CUX2: variants seen among roughly 807,000 people sequenced by gnomAD.
The protein encoded by CUX2 is homeobox protein cut-like 2.
A neutral mutation model predicts 144.8 loss-of-function variants in CUX2; 40 were observed. The observed-to-expected ratio is 0.28, with a 90% CI of 0.21 to 0.36. The LOEUF (loss-of-function observed/expected upper bound fraction) is 0.36. Ranked by LOEUF, CUX2 falls within the 10% of genes least tolerant of loss-of-function variation. The pLI is 1.00. For synonymous variants in CUX2, 827 were observed against 875.6 expected (o/e 0.94, Z 0.98); for missense variants, 1,615 against 1,994.0 (o/e 0.81, Z 3.62).
chr12:111,121,230 C>T (rs1874644682), intron 1 of CUX2, among the ~76,000 whole-genome samples: 2 of 151,870 alleles, frequency 1.3e-5, no homozygotes, highest in African/African-American at 2.4e-5. Context: ...CTTTCTATGT[C>T]ACCCAGTTGC....
rs1886466665 is a variant in CUX2 at position 111,304,318 on chromosome 12, A to C, written c.858+4A>C. The C allele has an allele frequency of 3.1e-6, 5 of 1,611,938 alleles. No individual in the cohort carries two copies. Among genetic ancestry groups the C allele is most frequent in the Non-Finnish European group, 3.4e-6 (4 of 1,178,614 alleles). ...CTCTCCCCAGGGGCCCAGTGGGGTAAGGATGGGGTTGGGGAAGTGAGCAGG... is the reference window on the plus strand; with the variant it reads ...CTCTCCCCAGGGGCCCAGTGGGGTACGGATGGGGTTGGGGAAGTGAGCAGG... On this transcript the variant is annotated splice_donor_region_variant and intron_variant, in intron 10 of 21. Transcript: ENST00000261726. The surrounding 1 kb of genome is among the most constrained non-coding windows in gnomAD (Gnocchi z 4.7).
chr12:111,281,450 A>G (rs1035985789), intron 4 of CUX2, among the ~76,000 whole-genome samples: 1 of 152,134 alleles, frequency 6.6e-6, no homozygotes, highest in African/African-American at 2.4e-5. Context: ...GTCGGTGTTG[A>G]TGGAAACATT....
chr12:111,073,956 A>G lies in CUX2; in HGVS notation c.63+39716A>G, dbSNP rs76685459. 3.2e-3 allele frequency among the ~76,000 whole-genome samples: 488 copies of G among 152,096 alleles called. 12 individuals carry two copies. The highest frequency in any genetic ancestry group is 0.011 in the African/African-American group (468 of 41,366). On this transcript the variant is annotated intron_variant, in intron 1 of 21. Transcript: ENST00000261726. ...GGGGGACAGAGGGATACCTCATCTC[A>G]GAGAAAAACAATTGAATTTTAGATA...
intron 3 of CUX2, among the ~76,000 whole-genome samples, chr12:111,240,127 T>G (rs1357632690): frequency 6.6e-6 from 1 of 152,248 alleles, no homozygotes; most frequent in African/African-American, 2.4e-5. Flanking sequence ...AAACTGAGGC[T>G]TATCAAGGTG....
chr12:111,329,442 CTCAG>C (rs1437004401), intron 18 of CUX2, among the ~76,000 whole-genome samples: 2 of 152,098 alleles, frequency 1.3e-5, no homozygotes, highest in Non-Finnish European at 2.9e-5. Flanking sequence ...AGAAGCGATT[CTCAG>C]TCAGAGGAGT....
chr12:111,346,768 T>G (rs1045508322), intron 21 of CUX2, among the ~76,000 whole-genome samples: 3 of 152,168 alleles, frequency 2.0e-5, no homozygotes, highest in African/African-American at 7.2e-5. Flanking sequence ...ATCCCAGCAC[T>G]TGGGGAGGCC....
intron 20 of CUX2, among the ~76,000 whole-genome samples, chr12:111,341,550 C>A (rs1022676962): frequency 1.3e-5 from 2 of 152,054 alleles, no homozygotes; most frequent in African/African-American, 4.8e-5. Flanking sequence ...CATGCCAGGG[C>A]TCCCGGGCGG....
At chr12:111,065,340 G>A (rs1222874561) in intron 1 of CUX2, among the ~76,000 whole-genome samples, 1 of 152,156 alleles carries the variant, frequency 6.6e-6, no homozygotes, top group African/African-American at 2.4e-5. Flanking sequence ...TTGTTTTTTG[G>A]TTTGTTTGTT....
chr12:111,038,347 C>T (rs1191481144), intron 1 of CUX2, among the ~76,000 whole-genome samples: 1 of 152,228 alleles, frequency 6.6e-6, no homozygotes. Flanking sequence ...GCCCTGTTGG[C>T]GGAATCCTAA....
intron 1 of CUX2, among the ~76,000 whole-genome samples, chr12:111,128,847 G>T (rs1038722330): frequency 1.3e-5 from 2 of 152,238 alleles, no homozygotes; most frequent in Non-Finnish European, 2.9e-5. Context: ...CATGGCATCT[G>T]CTGGGTCATA....
intron 18 of CUX2, among the ~76,000 whole-genome samples, chr12:111,330,737 A>G (rs193280005): frequency 5.8e-5 from 5 of 85,658 alleles, no homozygotes; most frequent in Admixed American, 1.2e-4. Context: ...ATATATATAT[A>G]TATATATATA....
intron 1 of CUX2, among the ~76,000 whole-genome samples, chr12:111,119,451 T>C (rs971533695): frequency 1.3e-5 from 2 of 151,940 alleles, no homozygotes; most frequent in African/African-American, 4.8e-5. Flanking sequence ...AAAAAAAATT[T>C]TTTTTCTTCA....
rs931196101 is a variant in CUX2 at position 111,277,914 on chromosome 12, A to C, written c.302-13504A>C. On this transcript the variant is annotated intron_variant, in intron 4 of 21. Coordinates refer to ENST00000261726, the MANE Select transcript of CUX2 (RefSeq NM_015267.4). This position sits in a 1 kb window ranked among gnomAD's most constrained non-coding sequence, Gnocchi z 5.0. Reference sequence around the variant, plus strand: ...GGTCTCACTGGGCAACAATCAAAGCATTCGCAGGGCCGGGTTGTTTCTGAA... The same window carrying C: ...GGTCTCACTGGGCAACAATCAAAGCCTTCGCAGGGCCGGGTTGTTTCTGAA... 6.6e-6 allele frequency among the ~76,000 whole-genome samples: 1 copy of C among 152,188 alleles called. No individual in the cohort carries two copies. The highest frequency in any genetic ancestry group is 2.4e-5 in the African/African-American group (1 of 41,448).
chr12:111,121,119 AC>A (rs1356949903), intron 1 of CUX2, among the ~76,000 whole-genome samples: 34 of 150,130 alleles, frequency 2.3e-4, no homozygotes, highest in South Asian at 8.4e-4. Flanking sequence ...AAAAAAAAAA[AC>A]AACCCACAAC....
In CUX2 at chr12:111,059,334, A is replaced by G. The variant is rs1870664783; in HGVS notation, c.63+25094A>G. ...GAAAAAATGTGCAGACTCCACACGG[A>G]GCAAACTGGGTAGAAATAACCATAT... On this transcript the variant is annotated intron_variant, in intron 1 of 21. Coordinates refer to ENST00000261726, the MANE Select transcript of CUX2 (RefSeq NM_015267.4). The surrounding 1 kb of genome is among the most constrained non-coding windows in gnomAD (Gnocchi z 5.3). Among the ~76,000 whole-genome samples the G allele has an allele frequency of 6.6e-6, 1 of 152,202 alleles. No individual in the cohort carries two copies. Among genetic ancestry groups the G allele is most frequent in the Non-Finnish European group, 1.5e-5 (1 of 68,030 alleles).
chr12:111,204,143 C>T (rs1043971897), intron 1 of CUX2, among the ~76,000 whole-genome samples: 1 of 152,234 alleles, frequency 6.6e-6, no homozygotes, highest in Non-Finnish European at 1.5e-5. Flanking sequence ...GTCCTAGATA[C>T]AGAGAGGCCA....
chr12:111,168,906 A>G (rs1453124452), intron 1 of CUX2, among the ~76,000 whole-genome samples: 1 of 152,144 alleles, frequency 6.6e-6, no homozygotes, highest in African/African-American at 2.4e-5. Context: ...ACTCTATGTT[A>G]TAGTCGCTCA....
intron 1 of CUX2, among the ~76,000 whole-genome samples, chr12:111,045,223 T>A (rs1219549896): frequency 6.6e-6 from 1 of 152,170 alleles, no homozygotes; most frequent in Admixed American, 6.5e-5. Context: ...TTTCCCACCA[T>A]GCGCAGGGAC....
At chr12:111,145,204 G>A (rs1288035996) in intron 1 of CUX2, among the ~76,000 whole-genome samples, 1 of 152,158 alleles carries the variant, frequency 6.6e-6, no homozygotes, top group Non-Finnish European at 1.5e-5. Flanking sequence ...GCGTGGCTTG[G>A]CTTTCATGTG....
Sources: gnomAD v4.1 joint callset for allele counts (sites outside exome capture counted in the v4.1 genomes callset) on GRCh38, gnomAD v4.1.1 for gene constraint, Gnocchi (gnomAD v3.1) non-coding constraint, MANE v1.5 for transcripts, NCBI Gene and HGNC (gene_info 2026-07-23, HGNC 2026-07-21) for gene names.